GPR132: variants seen among roughly 807,000 people sequenced by gnomAD.
GPR132 encodes the protein probable G protein-coupled receptor 132.
GPR132 carries 4 observed loss-of-function variants against 1.9 expected under a neutral mutation model. The ratio of observed to expected loss-of-function variants is 2.13; its 90% CI spans 1.05 to 4.87. The LOEUF is 4.87. GPR132 is among the 30% of genes most tolerant of loss of function. The pLI is 0.01. For missense variants in GPR132, 404 were observed against 512.5 expected (o/e 0.79, Z 2.04); for synonymous variants, 233 against 234.2 (o/e 0.99, Z 0.05).
intron 1 of GPR132, among the ~76,000 whole-genome samples, chr14:105,061,933 G>A (rs1595141778): frequency 6.6e-6 from 1 of 152,332 alleles, no homozygotes; most frequent in East Asian, 1.9e-4. Context: ...CCTGCCGGAG[G>A]CTTGGGTAGG....
intron 1 of GPR132, among the ~76,000 whole-genome samples, chr14:105,061,147 G>T (rs749287539): frequency 6.6e-6 from 1 of 152,264 alleles, no homozygotes; most frequent in Non-Finnish European, 1.5e-5. Flanking sequence ...CAGGGCAGCC[G>T]GAGAGCCGGG....
chr14:105,057,598 G>T lies in GPR132; in HGVS notation c.-860-318C>A, dbSNP rs1182549334. 2.7e-5 allele frequency: 4 copies of T among 146,218 alleles called. No homozygotes were observed. In the Admixed American group the frequency reaches 3.2e-4, roughly 12 times the overall value. 9.1% of individuals were successfully genotyped at this position (146,218 alleles called of 1,614,324 possible). A position where few individuals can be genotyped will look rare whatever the true frequency, so the allele number is the denominator to read the frequency against. On this transcript the variant is annotated intron_variant, in intron 1 of 3. Transcript: ENST00000329797. ...TGCAGTAGCACAATCTCGGCTCACT[G>T]CAACCTCTGCCTCCCGGGTTCAAAC...
At chr14:105,058,223 T>G (rs1886852549) in intron 1 of GPR132, among the ~76,000 whole-genome samples, 2 of 151,954 alleles carry the variant, frequency 1.3e-5, no homozygotes, top group Non-Finnish European at 2.9e-5. Flanking sequence ...TAAACAGGCA[T>G]GATGGTGCAC....
rs556753325 is a variant in GPR132, at chr14:105,061,442, C to A, written c.-861+3937G>T. Among the ~76,000 whole-genome samples, 3 of 152,340 alleles carry A rather than the reference C, an allele frequency of 2.0e-5. No individual in the cohort carries two copies. The East Asian group carries it at 5.8e-4, about 29-fold the overall frequency. On this transcript the variant is annotated intron_variant, in intron 1 of 3. Transcript: ENST00000329797. The stretch of plus-strand genomic sequence containing the variant: ...GCCCCTGGGAGCCTCTGCCTCCCCT[C>A]GGGGTGAGTGAGCTCAGGATAGGGG...
rs1886878825 is a variant in GPR132, at chr14:105,059,248, C to G, written c.-860-1968G>C. Among the ~76,000 whole-genome samples, 1 of 152,226 alleles carries G rather than the reference C, an allele frequency of 6.6e-6. No homozygotes were observed. The highest frequency in any genetic ancestry group is 6.5e-5 in the Admixed American group (1 of 15,290). On this transcript the variant is annotated intron_variant, in intron 1 of 3. Transcript: ENST00000329797. This position sits in a 1 kb window ranked among gnomAD's most constrained non-coding sequence, Gnocchi z 4.2. Reference sequence around the variant, plus strand: ...GGGGCACTCCCTGGAGCCACTTGCTCTTCCCGCCCATCCCACGTGGCTCTT... The same window carrying G: ...GGGGCACTCCCTGGAGCCACTTGCTGTTCCCGCCCATCCCACGTGGCTCTT...
At position 105,055,345 on chromosome 14, in the gene GPR132, A is replaced by C; in HGVS notation, c.34+42T>G. The C allele has an allele frequency of 1.3e-6, 1 of 780,822 alleles. No homozygotes were observed. Among genetic ancestry groups the C allele is most frequent in the Non-Finnish European group, 2.4e-6 (1 of 417,982 alleles). The allele number at this position is 780,822 out of a possible 1,614,324, so 48.4% of individuals were successfully genotyped here. ...CAATCGCAAGAAAAAAAAATTGAAA[A>C]AGTGGAAAATTGTGGCAAAATACAC... On this transcript the variant is annotated intron_variant, in intron 3 of 3. Transcript: ENST00000329797. This position sits in a 1 kb window ranked among gnomAD's most constrained non-coding sequence, Gnocchi z 4.7.
At chr14:105,053,915 GTGATCT>G in intron 3 of GPR132, 1 of 1,131,614 alleles carries the variant, frequency 8.8e-7, no homozygotes, top group Non-Finnish European at 1.1e-6. Context: ...GGAGATCAAA[GTGATCT>G]CAGCAACCTG....
chr14:105,051,902 C>T lies in GPR132; in HGVS notation c.235G>A (p.Val79Ile), dbSNP rs774535285. Residue 79 changes from valine (V) to isoleucine (I), a missense_variant, in exon 4 of 4, where the codon GTC (valine) becomes ATC (isoleucine). Physicochemically the swap from Val to Ile is conservative, Grantham distance 29 (BLOSUM62 3). Coordinates refer to ENST00000329797, the MANE Select transcript of GPR132 (RefSeq NM_013345.4). This position sits in a 1 kb window ranked among gnomAD's most constrained non-coding sequence, Gnocchi z 8.0. ...CAGAGTGCCAGGCAGAGCAGGTAGA[C>T]GGCCAGCACGTTGCCCTGCAGTACC... The part of the protein sequence containing the change: ...LQVLQGNVLA[V>I]YLLCLALCEL... The T allele has an allele frequency of 3.7e-5, 59 of 1,613,384 alleles. No individual in the cohort carries two copies. Among genetic ancestry groups the T allele is most frequent in the African/African-American group, 5.3e-5 (4 of 74,936 alleles).
rs754285214 is a variant in GPR132 at position 105,059,718 on chromosome 14, G to A, written c.-860-2438C>T. 2.6e-5 allele frequency among the ~76,000 whole-genome samples: 4 copies of A among 152,182 alleles called. No individual in the cohort carries two copies. The highest frequency in any genetic ancestry group is 4.4e-5 in the Non-Finnish European group (3 of 68,010). On this transcript the variant is annotated intron_variant, in intron 1 of 3. Coordinates refer to ENST00000329797, the MANE Select transcript of GPR132 (RefSeq NM_013345.4). The surrounding 1 kb of genome is among the most constrained non-coding windows in gnomAD (Gnocchi z 4.2). ...AAATGCATGAAACCAGGCTGCGCCC[G>A]ACCACCCTGGGCACGTCATCAGGAC...
Position 105,050,822 on chromosome 14 carries a change from T to C in GPR132, c.*172A>G, listed in dbSNP as rs1595132972. On this transcript the variant is annotated 3_prime_UTR_variant, in exon 4 of 4. Coordinates refer to ENST00000329797, the MANE Select transcript of GPR132 (RefSeq NM_013345.4). The surrounding 1 kb of genome is among the most constrained non-coding windows in gnomAD (Gnocchi z 4.0). Reference sequence around the variant, plus strand: ...CCCCTTGGCATGCAGCCACCTTCCATGTGGGAAAGCCTGGGGCCAGTGGTC... The same window carrying C: ...CCCCTTGGCATGCAGCCACCTTCCACGTGGGAAAGCCTGGGGCCAGTGGTC... 3.1e-6 allele frequency: 2 copies of C among 639,838 alleles called. No individual in the cohort carries two copies. Among genetic ancestry groups the C allele is most frequent in the East Asian group, 2.8e-5 (1 of 35,884 alleles). The allele number at this position is 639,838 out of a possible 1,614,324, so 39.6% of individuals were successfully genotyped here. A position where few individuals can be genotyped will look rare whatever the true frequency, so the allele number is the denominator to read the frequency against.
At chr14:105,053,410 T>C (rs1886705532) in intron 3 of GPR132, among the ~76,000 whole-genome samples, 1 of 152,158 alleles carries the variant, frequency 6.6e-6, no homozygotes, top group South Asian at 2.1e-4. Flanking sequence ...TCTGCCCTCC[T>C]TGGCCTCCCA....
At chr14:105,064,720 T>C (rs1887038475) in intron 1 of GPR132, among the ~76,000 whole-genome samples, 1 of 152,200 alleles carries the variant, frequency 6.6e-6, no homozygotes, top group Non-Finnish European at 1.5e-5. Context: ...TCAGCCCAAC[T>C]GGCCAGTCTT....
intron 1 of GPR132, among the ~76,000 whole-genome samples, chr14:105,063,996 C>T (rs1188519643): frequency 3.9e-5 from 6 of 152,066 alleles, no homozygotes. Context: ...TGTGCCACCA[C>T]GCCCGGCTAA....
Position 105,055,289 on chromosome 14 carries a change from T to C in GPR132, c.34+98A>G. ...CTGCAGTGAGCCGAGATTGTGCCAC[T>C]GCACTCCAGCCTGGGCGATAGAGTG... On this transcript the variant is annotated intron_variant, in intron 3 of 3. Coordinates refer to ENST00000329797, the MANE Select transcript of GPR132 (RefSeq NM_013345.4). This position sits in a 1 kb window ranked among gnomAD's most constrained non-coding sequence, Gnocchi z 4.7. 1 of 770,006 alleles carries C rather than the reference T, an allele frequency of 1.3e-6. No individual in the cohort carries two copies. Among genetic ancestry groups the C allele is most frequent in the Non-Finnish European group, 2.4e-6 (1 of 409,694 alleles). 47.7% of individuals were successfully genotyped at this position (770,006 alleles called of 1,614,324 possible).
In GPR132 at chr14:105,057,196, T is replaced by C. The variant is rs1417748703; in HGVS notation, c.-776A>G. The C allele has an allele frequency of 5.2e-6, 8 of 1,524,202 alleles. 1 individual carries two copies. Among genetic ancestry groups the C allele is most frequent in the African/African-American group, 4.1e-5 (3 of 72,782 alleles). The allele number at this position is 1,524,202 out of a possible 1,614,324, so 94.4% of individuals were successfully genotyped here. A position where few individuals can be genotyped will look rare whatever the true frequency, so the allele number is the denominator to read the frequency against. ...CATATTTTGCGGGTTCCAATCTCAG[T>C]GTGGCTCTAAGATAAGCTTTCTAAG... On this transcript the variant is annotated 5_prime_UTR_variant, in exon 2 of 4. Coordinates refer to ENST00000329797, the MANE Select transcript of GPR132 (RefSeq NM_013345.4).
chr14:105,057,265 G>T lies in GPR132; in HGVS notation c.-845C>A. ...TCGGTCCTATCAAGACGTTCACTCT[G>T]AGAGTTTAAAATGACCTGGAAAAAG... On this transcript the variant is annotated 5_prime_UTR_variant, in exon 2 of 4. Transcript: ENST00000329797. The T allele has an allele frequency of 1.1e-6, 1 of 883,910 alleles. No individual in the cohort carries two copies. The highest frequency in any genetic ancestry group is 1.8e-6 in the Non-Finnish European group (1 of 559,254). The allele number at this position is 883,910 out of a possible 1,614,324, so 54.8% of individuals were successfully genotyped here.
At position 105,051,724 on chromosome 14, in the gene GPR132, C is replaced by G. The variant is rs1886650954; in HGVS notation, c.413G>C (p.Cys138Ser). Reference protein sequence around the residue: ...VSILFLCCISCDRFVAVVYAL... With the variant: ...VSILFLCCISSDRFVAVVYAL... ...GTACACCACGGCCACGAAGCGGTCG[C>G]AGGAGATGCAGCACAGGAAGAGGAT... Residue 138 changes from cysteine to serine, a missense_variant, in exon 4 of 4, where the codon TGC (cysteine) becomes TCC (serine). Transcript: ENST00000329797. The surrounding 1 kb of genome is among the most constrained non-coding windows in gnomAD (Gnocchi z 8.0). The G allele has an allele frequency of 6.2e-7, 1 of 1,613,996 alleles. No homozygotes were observed. The highest frequency in any genetic ancestry group is 1.7e-5 in the Admixed American group (1 of 60,002).
At chr14:105,053,489 T>C (rs549405803) in intron 3 of GPR132, among the ~76,000 whole-genome samples, 1 of 152,178 alleles carries the variant, frequency 6.6e-6, no homozygotes, top group Non-Finnish European at 1.5e-5. Flanking sequence ...TATTTGCCTG[T>C]GTGAACTATC....
rs1886874668 is a variant in GPR132 at position 105,059,106 on chromosome 14, C to T, written c.-860-1826G>A. Among the ~76,000 whole-genome samples the T allele has an allele frequency of 2.0e-5, 3 of 152,188 alleles. No homozygotes were observed. In the South Asian group the frequency reaches 6.2e-4, roughly 31 times the overall value. Reference sequence around the variant, plus strand: ...GACCCTCATGGGAAGCCAGCAGGTGCAGTCAGTCTCCCAGTGCACACTCCC... The same window carrying T: ...GACCCTCATGGGAAGCCAGCAGGTGTAGTCAGTCTCCCAGTGCACACTCCC... On this transcript the variant is annotated intron_variant, in intron 1 of 3. Coordinates refer to ENST00000329797, the MANE Select transcript of GPR132 (RefSeq NM_013345.4). This position sits in a 1 kb window ranked among gnomAD's most constrained non-coding sequence, Gnocchi z 4.2.
Sources: gnomAD v4.1 joint callset for allele counts (sites outside exome capture counted in the v4.1 genomes callset) on GRCh38, gnomAD v4.1.1 for gene constraint, Gnocchi (gnomAD v3.1) non-coding constraint, MANE v1.5 for transcripts, NCBI Gene and HGNC (gene_info 2026-07-23, HGNC 2026-07-21) for gene names.